The following CRTAC1 variants were observed in gnomAD, a reference collection of about 807,000 sequenced individuals.
The protein encoded by CRTAC1 is acidic secreted protein in cartilage.
Under a neutral mutation model 67.8 loss-of-function variants are expected in CRTAC1, and 37 were observed. That is an observed-to-expected ratio of 0.55 (90% CI 0.42 to 0.72). CRTAC1 has a LOEUF of 0.72. Among genes scored for constraint, CRTAC1 ranks in the 30% least tolerant of loss-of-function variants. The pLI is 0.00. For missense variants in CRTAC1, 780 were observed against 931.6 expected (o/e 0.84, Z 2.12); for synonymous variants, 348 against 371.0 (o/e 0.94, Z 0.71).
At chr10:97,931,780 G>A (rs1050193747) in intron 3 of CRTAC1, among the ~76,000 whole-genome samples, 3 of 152,196 alleles carry the variant, frequency 2.0e-5, no homozygotes, top group Non-Finnish European at 2.9e-5. Flanking sequence ...TCATGCGGGC[G>A]GGAGTGCTCA....
At chr10:97,950,787 G>A (rs1002959032) in intron 2 of CRTAC1, among the ~76,000 whole-genome samples, 10 of 152,206 alleles carry the variant, frequency 6.6e-5, no homozygotes, top group Non-Finnish European at 7.3e-5. Flanking sequence ...GGTAGGCCTG[G>A]AATTAATAGG....
At position 98,011,295 on chromosome 10, in the gene CRTAC1, G is replaced by T. The variant is rs772444704; in HGVS notation, c.67C>A (p.Pro23Thr). 6.2e-7 allele frequency: 1 copy of T among 1,614,162 alleles called. No homozygotes were observed. The highest frequency in any genetic ancestry group is 1.1e-5 in the South Asian group (1 of 91,084). Reference protein sequence around the residue: ...LPFLLLLWFLPITEGSQRAEP... With the variant: ...LPFLLLLWFLTITEGSQRAEP... ...GCCCGCTGGGACCCCTCAGTGATGG[G>T]CAGAAACCAGAGCAGCAGCAGGAAC... Residue 23 changes from proline to threonine, a missense_variant, in exon 2 of 15, where the codon CCC (proline) becomes ACC (threonine). Pro to Thr is a conservative substitution (Grantham distance 38, BLOSUM62 -1). Coordinates refer to ENST00000370597, the MANE Select transcript of CRTAC1 (RefSeq NM_018058.7).
Position 97,975,377 on chromosome 10 carries a change from G to A in CRTAC1, c.224+35761C>T, listed in dbSNP as rs577351172. 5.9e-5 allele frequency among the ~76,000 whole-genome samples: 9 copies of A among 151,998 alleles called. No homozygotes were observed. The highest frequency in any genetic ancestry group is 2.2e-4 in the African/African-American group (9 of 41,468). ...AGGGTTCAAAAGACTTCAGACCTCC[G>A]GGGCCCTGTGCACAGAGATGCTGGC... On this transcript the variant is annotated intron_variant, in intron 2 of 14. Coordinates refer to ENST00000370597, the MANE Select transcript of CRTAC1 (RefSeq NM_018058.7). This position sits in a 1 kb window ranked among gnomAD's most constrained non-coding sequence, Gnocchi z 4.8.
At chr10:97,900,163 C>G (rs950171774) in intron 8 of CRTAC1, among the ~76,000 whole-genome samples, 3 of 152,194 alleles carry the variant, frequency 2.0e-5, no homozygotes, top group Admixed American at 6.5e-5. Context: ...ATTGCCGCAG[C>G]AAATCCAGCC....
At chr10:97,907,030 T>A (rs182578978) in intron 6 of CRTAC1, among the ~76,000 whole-genome samples, 2 of 152,168 alleles carry the variant, frequency 1.3e-5, no homozygotes, top group African/African-American at 4.8e-5. Context: ...ATTGGCAAGG[T>A]CGGGGGAAAT....
At chr10:97,892,615 T>C (rs1240882982) in intron 11 of CRTAC1, among the ~76,000 whole-genome samples, 2 of 152,232 alleles carry the variant, frequency 1.3e-5, no homozygotes, top group African/African-American at 4.8e-5. Context: ...ATGTGGGTTA[T>C]GTTACCTGAT....
intron 12 of CRTAC1, among the ~76,000 whole-genome samples, chr10:97,883,478 T>C (rs1399213654): frequency 6.6e-6 from 1 of 152,104 alleles, no homozygotes; most frequent in Non-Finnish European, 1.5e-5. Context: ...TGACACAAAA[T>C]GTCAATCAAC....
At chr10:97,971,998 G>A (rs1394547785) in intron 2 of CRTAC1, among the ~76,000 whole-genome samples, 1 of 152,132 alleles carries the variant, frequency 6.6e-6, no homozygotes, top group Non-Finnish European at 1.5e-5. Context: ...ATGCCTAGTT[G>A]TCTAAACTGA....
At chr10:97,940,182 C>A (rs2051151094) in intron 2 of CRTAC1, among the ~76,000 whole-genome samples, 1 of 152,216 alleles carries the variant, frequency 6.6e-6, no homozygotes, top group Non-Finnish European at 1.5e-5. Context: ...GTCCTCACAA[C>A]AATCCTAGGA....
chr10:97,903,832 C>T (rs1194945661), intron 7 of CRTAC1, among the ~76,000 whole-genome samples: 1 of 152,110 alleles, frequency 6.6e-6, no homozygotes, highest in Non-Finnish European at 1.5e-5. Context: ...TGGCATCGGT[C>T]TATCAACAGC....
intron 2 of CRTAC1, among the ~76,000 whole-genome samples, chr10:97,976,443 C>T (rs368156369): frequency 6.6e-6 from 1 of 152,192 alleles, no homozygotes; most frequent in African/African-American, 2.4e-5. Flanking sequence ...GTGGAAATCA[C>T]ATGCATCAAA....
rs375834437 is a variant in CRTAC1, at chr10:97,895,300, G to C, written c.1431C>G (p.Ile477Met). ...TKKSGAHLRI[I>M]DGGSGYLCEM... ...CACACAGGTAGCCTGAGCCCCCGTC[G>C]ATGATCCTCAGGTGGGCCCCACTCT... Residue 477 changes from isoleucine (I) to methionine (M), a missense_variant, in exon 11 of 15, where the codon ATC becomes ATG. Physicochemically the swap from Ile to Met is conservative, Grantham distance 10 (BLOSUM62 1). Coordinates refer to ENST00000370597, the MANE Select transcript of CRTAC1 (RefSeq NM_018058.7). This position sits in a 1 kb window ranked among gnomAD's most constrained non-coding sequence, Gnocchi z 4.2. 3 of 1,613,694 alleles carry C rather than the reference G, an allele frequency of 1.9e-6. No homozygotes were observed. The highest frequency in any genetic ancestry group is 2.5e-6 in the Non-Finnish European group (3 of 1,180,004).
At chr10:98,015,428 G>A (rs1842977898) in intron 1 of CRTAC1, among the ~76,000 whole-genome samples, 1 of 152,120 alleles carries the variant, frequency 6.6e-6, no homozygotes, top group Non-Finnish European at 1.5e-5. Flanking sequence ...GTAGATGGTG[G>A]TGATGGTTGT....
chr10:97,966,255 G>A (rs1351429332), intron 2 of CRTAC1, among the ~76,000 whole-genome samples: 2 of 152,098 alleles, frequency 1.3e-5, no homozygotes, highest in African/African-American at 2.4e-5. Flanking sequence ...ACGGGCATGC[G>A]CCACTCCACT....
intron 2 of CRTAC1, among the ~76,000 whole-genome samples, chr10:97,956,793 T>A (rs2051448348): frequency 6.6e-6 from 1 of 151,656 alleles, no homozygotes; most frequent in South Asian, 2.1e-4. Context: ...GAGAACTCTC[T>A]GGAGTTCTTT....
Position 98,011,261 on chromosome 10 carries a change from A to G in CRTAC1, c.101T>C (p.Met34Thr), listed in dbSNP as rs911179328. 5 of 1,614,082 alleles carry G rather than the reference A, an allele frequency of 3.1e-6. No homozygotes were observed. The highest frequency in any genetic ancestry group is 2.7e-5 in the African/African-American group (2 of 74,934). Residue 34 changes from methionine to threonine, a missense_variant, in exon 2 of 15, where the codon ATG becomes ACG. Met to Thr is a moderately conservative substitution (Grantham distance 81). Transcript: ENST00000370597. ...ITEGSQRAEP[M>T]FTAVTNSVLP... is the part of the protein sequence containing the mutation. ...AACTGAGTTGGTGACTGCAGTGAAC[A>G]TGGGTTCAGCCCGCTGGGACCCCTC...
chr10:97,918,795 GTTT>G (rs10586431), intron 4 of CRTAC1, among the ~76,000 whole-genome samples: 9 of 146,814 alleles, frequency 6.1e-5, no homozygotes, highest in Admixed American at 2.0e-4. Context: ...GGTGTTTTTT[GTTT>G]TTTTTTTTTG....
chr10:97,983,790 G>A (rs961800442), intron 2 of CRTAC1, among the ~76,000 whole-genome samples: 1 of 152,176 alleles, frequency 6.6e-6, no homozygotes, highest in Non-Finnish European at 1.5e-5. Context: ...ATCAAGATGC[G>A]GGTGAAGTAG....
chr10:97,899,288 G>T (rs1483202871), intron 8 of CRTAC1, among the ~76,000 whole-genome samples: 1 of 152,238 alleles, frequency 6.6e-6, no homozygotes, highest in Admixed American at 6.5e-5. Flanking sequence ...CTGCTGTGTG[G>T]AGGCAAACAC....
Sources: gnomAD v4.1 joint callset for allele counts (sites outside exome capture counted in the v4.1 genomes callset) on GRCh38, gnomAD v4.1.1 for gene constraint, Gnocchi (gnomAD v3.1) non-coding constraint, MANE v1.5 for transcripts, NCBI Gene and HGNC (gene_info 2026-07-23, HGNC 2026-07-21) for gene names.